Variants in TBC1D4 observed in about 807,000 individuals in gnomAD.
TBC1D4 encodes TBC1 domain family member 4.
In TBC1D4, 121 loss-of-function variants were observed where a neutral mutation model predicts 142.5. The observed-to-expected ratio is 0.85, with a 90% confidence interval of 0.73 to 0.99. The LOEUF (loss-of-function observed/expected upper bound fraction) is 0.99, where lower values mean the gene tolerates loss of function less well. Ranked by LOEUF, TBC1D4 falls within the 50% of genes least tolerant of loss-of-function variation. The probability of loss-of-function intolerance (pLI) is 0.00; values close to 1 mark genes in which losing one functional copy is unlikely to be tolerated. For missense variants in TBC1D4, 1,475 were observed against 1,606.6 expected (o/e 0.92, Z 1.40); for synonymous variants, 630 against 628.2 (o/e 1.00, Z -0.04).
chr13:75,306,821 A>G (rs984588530), intron 14 of TBC1D4, among the ~76,000 whole-genome samples: 3 of 152,220 alleles, frequency 2.0e-5, no homozygotes, highest in African/African-American at 7.2e-5. Flanking sequence ...ACATGAGAAG[A>G]CAAAGACTCA....
chr13:75,311,610 C>T (rs570259899), intron 13 of TBC1D4, among the ~76,000 whole-genome samples: 135 of 152,220 alleles, frequency 8.9e-4, no homozygotes, highest in African/African-American at 3.1e-3. Context: ...TAACTGCTCC[C>T]TAGATCCGTT....
chr13:75,474,682 G>A (rs1432262443), intron 1 of TBC1D4, among the ~76,000 whole-genome samples: 4 of 76,078 alleles, frequency 5.3e-5, no homozygotes, highest in South Asian at 1.3e-3. Flanking sequence ...TGTCGCCCAA[G>A]CTAAAGTGCA....
At position 75,481,715 on chromosome 13, in the gene TBC1D4, G is replaced by C. The variant is rs1350202316; in HGVS notation, c.53C>G (p.Pro18Arg). Residue 18 changes from proline (P) to arginine (R), a missense_variant, in exon 1 of 21, where the codon CCC becomes CGC. Coordinates refer to ENST00000377636, the MANE Select transcript of TBC1D4 (RefSeq NM_014832.5). Reference protein sequence around the residue: ...QDEPFPHPLEPEPGVSAQPGP... With the variant: ...QDEPFPHPLEREPGVSAQPGP... Reference sequence around the variant, plus strand: ...GGGCTGAGCTGAGACGCCCGGCTCGGGCTCCAGGGGGTGCGGGAACGGCTC... The same window carrying C: ...GGGCTGAGCTGAGACGCCCGGCTCGCGCTCCAGGGGGTGCGGGAACGGCTC... 3.8e-6 allele frequency: 6 copies of C among 1,596,068 alleles called. No individual in the cohort carries two copies. In the African/African-American group the frequency reaches 6.8e-5, roughly 18 times the overall value.
chr13:75,422,987 G>A (rs1886230983), intron 1 of TBC1D4, among the ~76,000 whole-genome samples: 3 of 152,024 alleles, frequency 2.0e-5, no homozygotes, highest in Admixed American at 1.3e-4. Context: ...TCATAAATGA[G>A]GCCAATTTTA....
In TBC1D4 at chr13:75,339,522, C is replaced by T. The variant is rs149262686; in HGVS notation, c.1611+1603G>A. ...CCCAAGCACAACCTCAAAACCAGCACCTAATTCCAGTGCCTGCATGGAGTA... is the reference window on the plus strand; with the variant it reads ...CCCAAGCACAACCTCAAAACCAGCATCTAATTCCAGTGCCTGCATGGAGTA... On this transcript the variant is annotated intron_variant, in intron 7 of 20. Transcript: ENST00000377636. Among the ~76,000 whole-genome samples the T allele has an allele frequency of 3.0e-3, 463 of 152,280 alleles. 4 individuals carry two copies. Among genetic ancestry groups the T allele is most frequent in the African/African-American group, 0.011 (437 of 41,560 alleles).
intron 5 of TBC1D4, among the ~76,000 whole-genome samples, chr13:75,344,817 T>C (rs1881018710): frequency 6.6e-6 from 1 of 152,208 alleles, no homozygotes; most frequent in South Asian, 2.1e-4. Context: ...CTAAATGTAT[T>C]GACAAGAATA....
chr13:75,473,893 T>C (rs1387857489), intron 1 of TBC1D4, among the ~76,000 whole-genome samples: 1 of 152,216 alleles, frequency 6.6e-6, no homozygotes, highest in East Asian at 1.9e-4. Flanking sequence ...TTCAAATTCA[T>C]GGTTTACTTG....
At chr13:75,435,553 T>C (rs1886766145) in intron 1 of TBC1D4, among the ~76,000 whole-genome samples, 1 of 152,184 alleles carries the variant, frequency 6.6e-6, no homozygotes, top group South Asian at 2.1e-4. Flanking sequence ...GACATCACGT[T>C]GTTTCTAGAG....
At chr13:75,468,434 C>G (rs1449727910) in intron 1 of TBC1D4, among the ~76,000 whole-genome samples, 1 of 152,108 alleles carries the variant, frequency 6.6e-6, no homozygotes, top group East Asian at 1.9e-4. Context: ...TAAGGCTGAT[C>G]ATCTTCCAAT....
At chr13:75,340,174 T>C (rs557182949) in intron 7 of TBC1D4, among the ~76,000 whole-genome samples, 2 of 152,366 alleles carry the variant, frequency 1.3e-5, no homozygotes, top group South Asian at 4.1e-4. Context: ...ATAGTTTAAC[T>C]CATAGAAGGT....
At chr13:75,455,241 C>T (rs1419628851) in intron 1 of TBC1D4, among the ~76,000 whole-genome samples, 3 of 152,098 alleles carry the variant, frequency 2.0e-5, no homozygotes, top group Non-Finnish European at 4.4e-5. Flanking sequence ...GCCCACAGCC[C>T]GCTGGCTATG....
chr13:75,369,164 G>A (rs776851455), intron 1 of TBC1D4, among the ~76,000 whole-genome samples: 4 of 152,182 alleles, frequency 2.6e-5, no homozygotes, highest in Non-Finnish European at 5.9e-5. Context: ...TGACAAAGGA[G>A]CAGGCAAGAA....
intron 1 of TBC1D4, among the ~76,000 whole-genome samples, chr13:75,378,117 T>C (rs1593814098): frequency 6.6e-6 from 1 of 152,182 alleles, no homozygotes; most frequent in Non-Finnish European, 1.5e-5. Flanking sequence ...TTTTACTCCA[T>C]ATCTTTTGCT....
At chr13:75,471,407 C>T (rs895664173) in intron 1 of TBC1D4, among the ~76,000 whole-genome samples, 11 of 152,186 alleles carry the variant, frequency 7.2e-5, no homozygotes, top group Non-Finnish European at 1.5e-4. Context: ...ATAGAATACA[C>T]CACCACCTGT....
At chr13:75,356,286 T>C (rs373167635) in intron 3 of TBC1D4, 35 bp from the exon 4 acceptor site, 9 of 1,401,524 alleles carry the variant, frequency 6.4e-6, no homozygotes, top group Non-Finnish European at 9.1e-6. Flanking sequence ...TAAAAATGTA[T>C]GGGAATATAT....
chr13:75,335,265 C>A (rs893152794), intron 8 of TBC1D4, among the ~76,000 whole-genome samples: 1 of 152,174 alleles, frequency 6.6e-6, no homozygotes, highest in African/African-American at 2.4e-5. Context: ...ATTCCACACC[C>A]CATATGGACA....
chr13:75,369,937 A>G (rs1883134975), intron 1 of TBC1D4, among the ~76,000 whole-genome samples: 1 of 152,212 alleles, frequency 6.6e-6, no homozygotes, highest in Non-Finnish European at 1.5e-5. Context: ...GAAGTAAAAT[A>G]TAAGGGATTT....
chr13:75,390,435 CTTACACCAT>C (rs1218252474), intron 1 of TBC1D4, among the ~76,000 whole-genome samples: 1 of 152,102 alleles, frequency 6.6e-6, no homozygotes, highest in Non-Finnish European at 1.5e-5. Flanking sequence ...AAAAATAGGG[CTTACACCAT>C]GGCTGCTGAA....
At chr13:75,355,237 G>T (rs1881945811) in intron 4 of TBC1D4, among the ~76,000 whole-genome samples, 1 of 152,180 alleles carries the variant, frequency 6.6e-6, no homozygotes, top group South Asian at 2.1e-4. Context: ...GTGTTTCCCT[G>T]GGAGAAATCC....
Sources: gnomAD v4.1 joint callset for allele counts (sites outside exome capture counted in the v4.1 genomes callset) on GRCh38, gnomAD v4.1.1 for gene constraint, MANE v1.5 for transcripts, NCBI Gene and HGNC (gene_info 2026-07-23, HGNC 2026-07-21) for gene names.